Variants in RBM39 observed in about 807,000 individuals in gnomAD.
RBM39 encodes RNA binding motif protein 39, also known as RNA-binding protein 39.
In RBM39, 12 loss-of-function variants were observed where a neutral mutation model predicts 79.6. The ratio of observed to expected loss-of-function variants is 0.15; its 90% CI spans 0.10 to 0.24. The LOEUF (loss-of-function observed/expected upper bound fraction) is 0.24, where lower values mean the gene tolerates loss of function less well. RBM39 is among the 10% of genes least tolerant of loss of function. The pLI is 1.00. For synonymous variants in RBM39, 185 were observed against 208.4 expected (o/e 0.89, Z 0.97); for missense variants, 243 against 653.4 (o/e 0.37, Z 6.85).
At chr20:35,736,466 A>G in intron 3 of RBM39, 2 of 377,788 alleles carry the variant, frequency 5.3e-6, no homozygotes, top group South Asian at 2.1e-5. Context: ...AGCCCTGAAT[A>G]ACATTATATA....
chr20:35,721,491 T>A (rs1437998411), intron 9 of RBM39, among the ~76,000 whole-genome samples: 1 of 152,210 alleles, frequency 6.6e-6, no homozygotes, highest in African/African-American at 2.4e-5. Flanking sequence ...GCCCAGCCAA[T>A]GTGGACTTTT....
chr20:35,709,447 C>T, intron 12 of RBM39, 173 bp from the exon 13 acceptor site: 1 of 557,874 alleles, frequency 1.8e-6, no homozygotes, highest in Admixed American at 3.5e-5. Flanking sequence ...CCTTTTTTCC[C>T]CCTCTTATCC....
chr20:35,708,233 TAA>T (rs1237065118), intron 13 of RBM39, among the ~76,000 whole-genome samples: 3 of 151,838 alleles, frequency 2.0e-5, no homozygotes, highest in East Asian at 3.8e-4. Flanking sequence ...GGAAAAAAGT[TAA>T]AGATTCGAGA....
chr20:35,736,522 T>C (rs1475570104), intron 3 of RBM39: 1 of 469,366 alleles, frequency 2.1e-6, no homozygotes, highest in Non-Finnish European at 4.4e-6. Flanking sequence ...CCTAACACAG[T>C]TGTAGTGAGA....
intron 6 of RBM39, 22 bp downstream of exon 6, chr20:35,729,290 A>T: frequency 6.4e-7 from 1 of 1,563,556 alleles, no homozygotes. Flanking sequence ...TAAGAGCTAA[A>T]GGCTTTAAAG....
At chr20:35,737,725 T>C (rs1236109755) in intron 3 of RBM39, among the ~76,000 whole-genome samples, 1 of 151,168 alleles carries the variant, frequency 6.6e-6, no homozygotes, top group Non-Finnish European at 1.5e-5. Flanking sequence ...GGCAGGCGCC[T>C]GTAGTCCCTG....
chr20:35,735,784 A>C (rs941113316), intron 3 of RBM39, among the ~76,000 whole-genome samples: 2 of 152,224 alleles, frequency 1.3e-5, no homozygotes, highest in African/African-American at 4.8e-5. Flanking sequence ...AAAGTATTTT[A>C]AGATTACCAA....
At chr20:35,736,501 T>G in intron 3 of RBM39, 1 of 439,594 alleles carries the variant, frequency 2.3e-6, no homozygotes, top group Non-Finnish European at 4.7e-6. Context: ...TTATGAAATT[T>G]TATCAACCTA....
At chr20:35,721,482 C>T (rs1004688823) in intron 9 of RBM39, among the ~76,000 whole-genome samples, 4 of 152,202 alleles carry the variant, frequency 2.6e-5, no homozygotes, top group Non-Finnish European at 5.9e-5. Flanking sequence ...AGCCACCATG[C>T]CCAGCCAATG....
chr20:35,708,789 T>TA, intron 13 of RBM39: 1 of 165,408 alleles, frequency 6.0e-6, no homozygotes, highest in Admixed American at 5.8e-5. Context: ...AATCACTGAG[T>TA]ACTATGTCTT....
intron 6 of RBM39, among the ~76,000 whole-genome samples, chr20:35,727,527 G>A (rs770135883): frequency 6.6e-6 from 1 of 151,742 alleles, no homozygotes; most frequent in Non-Finnish European, 1.5e-5. Context: ...CCAGGCTGGA[G>A]AGCAGTGGCG....
At chr20:35,721,169 A>C (rs1475766515) in intron 9 of RBM39, among the ~76,000 whole-genome samples, 1 of 152,028 alleles carries the variant, frequency 6.6e-6, no homozygotes, top group African/African-American at 2.4e-5. Flanking sequence ...TTGATCTCAT[A>C]ATCTGCCCAC....
chr20:35,706,098 G>A (rs535670754), intron 14 of RBM39, among the ~76,000 whole-genome samples: 17 of 152,254 alleles, frequency 1.1e-4, no homozygotes, highest in South Asian at 6.2e-4. Flanking sequence ...CAGCACTTTC[G>A]GATGCTGAAG....
At chr20:35,719,076 G>A (rs2037557384) in intron 9 of RBM39, among the ~76,000 whole-genome samples, 1 of 152,148 alleles carries the variant, frequency 6.6e-6, no homozygotes, top group Non-Finnish European at 1.5e-5. Context: ...CTGGGGCAAA[G>A]GTAAGCAAAC....
chr20:35,714,109 C>A, intron 11 of RBM39, 76 bp downstream of exon 11: 1 of 1,426,310 alleles, frequency 7.0e-7, no homozygotes, highest in Non-Finnish European at 9.7e-7. Context: ...TTTTCCCTTT[C>A]TTAGTTTACA....
At chr20:35,736,394 T>C (rs977767512) in intron 3 of RBM39, 1 of 297,276 alleles carries the variant, frequency 3.4e-6, no homozygotes, top group Non-Finnish European at 7.1e-6. Context: ...AATTATATCA[T>C]TTTTAATCCA....
chr20:35,713,401 C>A (rs2036691711), intron 11 of RBM39: 2 of 199,100 alleles, frequency 1.0e-5, no homozygotes, highest in South Asian at 1.8e-4. Flanking sequence ...TCTCGGCTCA[C>A]TGCAACCTCC....
chr20:35,740,746 G>C, intron 2 of RBM39, 78 bp downstream of exon 2: 3 of 1,464,798 alleles, frequency 2.0e-6, no homozygotes, highest in Non-Finnish European at 2.8e-6. Flanking sequence ...GGGGAGGTTA[G>C]TTTACATTTC....
rs1252817235 is a variant in RBM39 at position 35,741,980 on chromosome 20, G to A, written c.-53C>T. The A allele has an allele frequency of 4.1e-6, 1 of 244,674 alleles. No individual in the cohort carries two copies. The highest frequency in any genetic ancestry group is 8.1e-6 in the Non-Finnish European group (1 of 123,626). 15.2% of individuals were successfully genotyped at this position (244,674 alleles called of 1,614,324 possible). On this transcript the variant is annotated 5_prime_UTR_variant, in exon 1 of 17. Coordinates refer to ENST00000253363, the MANE Select transcript of RBM39 (RefSeq NM_184234.3). ...GGGCGCCTGTGGTGCTCGTGTTCGG[G>A]AAGAGATTGCTGCTGCTGCTGCTGC...
Sources: gnomAD v4.1 joint callset for allele counts (sites outside exome capture counted in the v4.1 genomes callset) on GRCh38, gnomAD v4.1.1 for gene constraint, MANE v1.5 for transcripts, NCBI Gene and HGNC (gene_info 2026-07-23, HGNC 2026-07-21) for gene names.